ARMC9: variants seen among roughly 807,000 people sequenced by gnomAD.
ARMC9 encodes armadillo repeat containing 9, also known as lisH domain-containing protein ARMC9.
In ARMC9, 94 loss-of-function variants were observed where a neutral mutation model predicts 107.0. That is an observed-to-expected ratio of 0.88 (90% confidence interval 0.74 to 1.04). The LOEUF is 1.04. Ranked by LOEUF, ARMC9 falls within the 50% of genes least tolerant of loss-of-function variation. The pLI is 0.00. For synonymous variants in ARMC9, 380 were observed against 396.9 expected, an observed-to-expected ratio of 0.96 and a Z score of 0.51; for missense variants, 942 against 1,030.1, an observed-to-expected ratio of 0.91 and a Z score of 1.17.
At chr2:231,367,481 G>T (rs2045863941) in intron 23 of ARMC9, among the ~76,000 whole-genome samples, 1 of 152,162 alleles carries the variant, frequency 6.6e-6, no homozygotes, top group African/African-American at 2.4e-5. Context: ...CAGGCTAGCT[G>T]GTGCTGGCCG....
intron 1 of ARMC9, 70 bp from the exon 2 acceptor site, chr2:231,206,128 C>A: frequency 1.0e-6 from 1 of 964,772 alleles, no homozygotes; most frequent in Non-Finnish European, 1.7e-6. Flanking sequence ...TTCTGCTCAC[C>A]ACAACCACCT....
At chr2:231,270,692 G>A (rs1475356555) in intron 12 of ARMC9, 4 of 562,434 alleles carry the variant, frequency 7.1e-6, no homozygotes, top group Non-Finnish European at 1.4e-5. Flanking sequence ...CTGGAAAACA[G>A]CCGCAACGGT....
chr2:231,290,326 T>C lies in ARMC9; in HGVS notation c.1627-1027T>C, dbSNP rs1013918147. Among the ~76,000 whole-genome samples the C allele has an allele frequency of 2.6e-5, 4 of 152,374 alleles. No individual in the cohort carries two copies. In the East Asian group the frequency reaches 7.7e-4, roughly 29 times the overall value. On this transcript the variant is annotated intron_variant, in intron 17 of 24. Coordinates refer to ENST00000611582, the MANE Select transcript of ARMC9 (RefSeq NM_001352754.2). ...GAACTCAGCATGTTCAAAGCTGCACTTGGCATTTCTTTAATTCAGTTAGAG... is the reference window on the plus strand; with the variant it reads ...GAACTCAGCATGTTCAAAGCTGCACCTGGCATTTCTTTAATTCAGTTAGAG...
At chr2:231,331,731 G>A in intron 19 of ARMC9, 62 bp from the exon 20 acceptor site, 2 of 1,438,840 alleles carry the variant, frequency 1.4e-6, no homozygotes, top group South Asian at 1.2e-5. Flanking sequence ...ATTCTGGGGA[G>A]CCACGCCTTG....
intron 22 of ARMC9, among the ~76,000 whole-genome samples, chr2:231,359,178 C>T (rs2045467916): frequency 4.0e-5 from 6 of 151,782 alleles, no homozygotes; most frequent in Middle Eastern, 6.8e-3. Context: ...CTCCGCCTCC[C>T]GGGGTTCAAG....
chr2:231,206,858 C>T (rs185430301), intron 2 of ARMC9, among the ~76,000 whole-genome samples: 12 of 152,318 alleles, frequency 7.9e-5, no homozygotes, highest in East Asian at 7.7e-4. Context: ...AGAAATGGTT[C>T]GCGCTTGCTG....
intron 9 of ARMC9, among the ~76,000 whole-genome samples, chr2:231,249,404 T>A (rs2037082303): frequency 6.6e-6 from 1 of 151,914 alleles, no homozygotes. Flanking sequence ...CAGGAACACT[T>A]TCCTTACCTT....
rs886802568 is a variant in ARMC9, at chr2:231,362,067, G to T, written c.2261+1184G>T. 1.1e-4 allele frequency among the ~76,000 whole-genome samples: 16 copies of T among 152,122 alleles called. No homozygotes were observed. The highest frequency in any genetic ancestry group is 2.1e-4 in the Non-Finnish European group (14 of 68,018). ...TCCCAGCTATCTTTAAGAAGCACGG[G>T]GTCAAAGGTGGCTGCATTACTGGGG... is the stretch of plus-strand genomic sequence containing the variant. On this transcript the variant is annotated intron_variant, in intron 23 of 24. Transcript: ENST00000611582. This position sits in a 1 kb window ranked among gnomAD's most constrained non-coding sequence, Gnocchi z 4.7.
intron 9 of ARMC9, among the ~76,000 whole-genome samples, chr2:231,250,627 G>A (rs949411212): frequency 2.6e-5 from 4 of 152,160 alleles, no homozygotes; most frequent in Non-Finnish European, 5.9e-5. Context: ...AGGGAAGATC[G>A]GAGCTATCTT....
chr2:231,270,994 C>T lies in ARMC9; in HGVS notation c.1132C>T (p.Gln378Ter), dbSNP rs1193542610. The change falls in exon 13 of 25, where the codon CAG (glutamine) becomes TAG (stop). Residue 378 changes from glutamine (Q) to a stop codon, truncating the protein, a stop_gained. Transcript: ENST00000611582. LOFTEE classifies it high-confidence loss of function. ...CGTTTTCCCCCAGAGGAGTGTGCTT[C>T]AGTTGCTGCACTCCACGAGCGACGT... ...CYSHNQRSVL[Q>*]LLHSTSDVVR... 1.2e-6 allele frequency: 2 copies of T among 1,614,060 alleles called. No individual in the cohort carries two copies. Among genetic ancestry groups the T allele is most frequent in the Non-Finnish European group, 1.7e-6 (2 of 1,180,014 alleles).
intron 12 of ARMC9, chr2:231,270,386 G>A (rs2039222141): frequency 5.8e-6 from 2 of 345,812 alleles, no homozygotes; most frequent in South Asian, 4.5e-5. Context: ...AGTGCTTCTT[G>A]AACAACTTTA....
chr2:231,303,389 A>G (rs1272893576), intron 19 of ARMC9, among the ~76,000 whole-genome samples: 1 of 152,200 alleles, frequency 6.6e-6, no homozygotes, highest in Non-Finnish European at 1.5e-5. Flanking sequence ...ACTCTAGTAC[A>G]ATGCCAAATA....
intron 7 of ARMC9, among the ~76,000 whole-genome samples, chr2:231,233,040 G>A (rs1445956132): frequency 1.3e-5 from 2 of 151,662 alleles, no homozygotes; most frequent in Non-Finnish European, 2.9e-5. Flanking sequence ...TAGTAGAGAC[G>A]GGGTTTCACC....
intron 21 of ARMC9, among the ~76,000 whole-genome samples, chr2:231,349,109 T>C (rs1298247196): frequency 6.6e-6 from 1 of 152,170 alleles, no homozygotes; most frequent in African/African-American, 2.4e-5. Context: ...AGGAAGTCCA[T>C]GTGTCAAAGA....
intron 19 of ARMC9, among the ~76,000 whole-genome samples, chr2:231,322,222 C>A (rs547732850): frequency 2.4e-4 from 37 of 152,334 alleles, no homozygotes; most frequent in African/African-American, 8.7e-4. Flanking sequence ...GGCACGTGCT[C>A]AGGAGGAAAG....
chr2:231,270,376 A>G (rs887737362), intron 12 of ARMC9, among the ~76,000 whole-genome samples: 2 of 152,172 alleles, frequency 1.3e-5, no homozygotes, highest in East Asian at 1.9e-4. Flanking sequence ...GTGGGATCCA[A>G]GTGCTTCTTG....
At chr2:231,348,520 C>G (rs2044902718) in intron 21 of ARMC9, among the ~76,000 whole-genome samples, 1 of 152,160 alleles carries the variant, frequency 6.6e-6, no homozygotes, top group Admixed American at 6.5e-5. Flanking sequence ...GGACATTGTT[C>G]TGGGCAAATA....
At chr2:231,308,932 G>C (rs1027901317) in intron 19 of ARMC9, among the ~76,000 whole-genome samples, 1 of 152,122 alleles carries the variant, frequency 6.6e-6, no homozygotes, top group Non-Finnish European at 1.5e-5. Context: ...TGGCCAGCTC[G>C]CTTGGCGTGG....
At chr2:231,209,198 C>G (rs529765251) in intron 3 of ARMC9, among the ~76,000 whole-genome samples, 1 of 152,202 alleles carries the variant, frequency 6.6e-6, no homozygotes, top group South Asian at 2.1e-4. Flanking sequence ...CCACCATGCC[C>G]AGCCAGAACC....
Sources: allele counts gnomAD v4.1 joint callset (sites outside exome capture counted in the v4.1 genomes callset), GRCh38; gene constraint gnomAD v4.1.1; non-coding constraint Gnocchi (gnomAD v3.1); transcripts MANE v1.5; gene names NCBI Gene and HGNC (gene_info 2026-07-23, HGNC 2026-07-21).